BNC2: variants seen among roughly 807,000 people sequenced by gnomAD.
BNC2 encodes zinc finger protein basonuclin-2.
Under a neutral mutation model 76.3 loss-of-function variants are expected in BNC2, and 20 were observed. The observed-to-expected ratio is 0.26, with a 90% CI of 0.18 to 0.38. BNC2 has a LOEUF of 0.38. Ranked by LOEUF, BNC2 falls within the 10% of genes least tolerant of loss-of-function variation. The pLI is 1.00. For missense variants in BNC2, 1,382 were observed against 1,399.8 expected (o/e 0.99, Z 0.20); for synonymous variants, 582 against 514.8 (o/e 1.13, Z -1.77).
intron 1 of BNC2, among the ~76,000 whole-genome samples, chr9:16,863,000 C>T (rs903854788): frequency 1.1e-4 from 17 of 151,680 alleles, no homozygotes; most frequent in African/African-American, 3.9e-4. Flanking sequence ...CTGCAACCTC[C>T]GCCTCCCAGG....
intron 6 of BNC2, among the ~76,000 whole-genome samples, chr9:16,421,700 T>C (rs1442855948): frequency 6.6e-6 from 1 of 152,120 alleles, no homozygotes; most frequent in African/African-American, 2.4e-5. Context: ...CAAGTGCAGG[T>C]TGCTAAGCAA....
chr9:16,598,867 C>T lies in BNC2; in HGVS notation c.331-15782G>A, dbSNP rs111356696. On this transcript the variant is annotated intron_variant, in intron 3 of 6. Coordinates refer to ENST00000380672, the MANE Select transcript of BNC2 (RefSeq NM_017637.6). ...CCTGGAAATTAAATGAGATGCTTTG[C>T]ATTTTTGAAAAAGCCAAACATCAAA... Among the ~76,000 whole-genome samples, 909 of 152,262 alleles carry T rather than the reference C, an allele frequency of 6.0e-3. 6 individuals are homozygous for T. Among genetic ancestry groups the T allele is most frequent in the African/African-American group, 0.021 (855 of 41,548 alleles).
intron 5 of BNC2, among the ~76,000 whole-genome samples, chr9:16,478,626 A>G (rs1821978172): frequency 6.6e-6 from 1 of 152,230 alleles, no homozygotes; most frequent in Non-Finnish European, 1.5e-5. Flanking sequence ...CAGCTTAAAA[A>G]CATCTTTTAC....
chr9:16,772,894 G>C (rs977637219), intron 1 of BNC2, among the ~76,000 whole-genome samples: 1 of 152,136 alleles, frequency 6.6e-6, no homozygotes, highest in Non-Finnish European at 1.5e-5. Context: ...GGGAAATCTT[G>C]TACTAGCAGC....
At chr9:16,640,705 T>C (rs1454734402) in intron 3 of BNC2, among the ~76,000 whole-genome samples, 1 of 152,164 alleles carries the variant, frequency 6.6e-6, no homozygotes, top group Non-Finnish European at 1.5e-5. Flanking sequence ...GATAACCCTA[T>C]ACACCCTTCA....
intron 3 of BNC2, among the ~76,000 whole-genome samples, chr9:16,664,544 A>T (rs529758006): frequency 6.6e-6 from 1 of 152,300 alleles, no homozygotes; most frequent in East Asian, 1.9e-4. Flanking sequence ...TGTAGGAAGC[A>T]ACTACAACTT....
intron 5 of BNC2, among the ~76,000 whole-genome samples, chr9:16,525,082 G>A (rs1486342351): frequency 7.0e-6 from 1 of 143,198 alleles, no homozygotes; most frequent in Non-Finnish European, 1.5e-5. Context: ...GGGGAGGGGG[G>A]GGGAAGGAGA....
At chr9:16,845,592 G>A (rs1818955927) in intron 1 of BNC2, among the ~76,000 whole-genome samples, 1 of 152,016 alleles carries the variant, frequency 6.6e-6, no homozygotes, top group Admixed American at 6.6e-5. Context: ...GTAGCGGCGT[G>A]GGCCTGTAGT....
chr9:16,841,208 C>A (rs1563966206), intron 1 of BNC2, among the ~76,000 whole-genome samples: 1 of 152,162 alleles, frequency 6.6e-6, no homozygotes. Flanking sequence ...TGTGCTGATC[C>A]TTACCCAAAC....
At chr9:16,737,295 G>A (rs998955978) in intron 2 of BNC2, among the ~76,000 whole-genome samples, 3 of 131,008 alleles carry the variant, frequency 2.3e-5, no homozygotes, top group African/African-American at 5.8e-5. Context: ...CTGTTGCCCA[G>A]GCTGGAGTGC....
In BNC2 at chr9:16,634,580, C is replaced by A. The variant is rs1821262290; in HGVS notation, c.331-51495G>T. Reference sequence around the variant, plus strand: ...GCAGTGGCGCAATCTCTGCTCACTGCAAGCTCTGCCTCCCGGATTCACACC... The same window carrying A: ...GCAGTGGCGCAATCTCTGCTCACTGAAAGCTCTGCCTCCCGGATTCACACC... On this transcript the variant is annotated intron_variant, in intron 3 of 6. Coordinates refer to ENST00000380672, the MANE Select transcript of BNC2 (RefSeq NM_017637.6). Among the ~76,000 whole-genome samples the A allele has an allele frequency of 2.0e-5, 3 of 150,108 alleles. 1 individual carries two copies. The South Asian group carries it at 6.3e-4, about 31-fold the overall frequency.
intron 3 of BNC2, among the ~76,000 whole-genome samples, chr9:16,615,011 C>A (rs1355934474): frequency 4.7e-5 from 6 of 126,624 alleles, no homozygotes; most frequent in South Asian, 2.5e-4. Flanking sequence ...AAAAGCCAAG[C>A]AGGCCAGTTA....
intron 3 of BNC2, among the ~76,000 whole-genome samples, chr9:16,678,416 C>CG (rs902289828): frequency 6.6e-6 from 1 of 151,002 alleles, no homozygotes; most frequent in African/African-American, 2.4e-5. Flanking sequence ...TACAGGCACA[C>CG]GCCACCATGC....
At chr9:16,657,892 C>T (rs1222305863) in intron 3 of BNC2, among the ~76,000 whole-genome samples, 1 of 151,966 alleles carries the variant, frequency 6.6e-6, no homozygotes, top group African/African-American at 2.4e-5. Flanking sequence ...TTAGGGCAGG[C>T]CAGTTAGGGT....
At chr9:16,668,185 A>C (rs897737067) in intron 3 of BNC2, among the ~76,000 whole-genome samples, 2 of 152,156 alleles carry the variant, frequency 1.3e-5, no homozygotes, top group Non-Finnish European at 2.9e-5. Flanking sequence ...GGGAGACCTC[A>C]CTGTGTTGCC....
At chr9:16,425,394 C>G (rs569827681) in intron 6 of BNC2, among the ~76,000 whole-genome samples, 2 of 152,252 alleles carry the variant, frequency 1.3e-5, no homozygotes, top group East Asian at 3.9e-4. Context: ...CACGACTCCC[C>G]TCTCTCAGAG....
At chr9:16,501,847 G>A (rs939477876) in intron 5 of BNC2, among the ~76,000 whole-genome samples, 2 of 152,276 alleles carry the variant, frequency 1.3e-5, no homozygotes, top group Admixed American at 1.3e-4. Flanking sequence ...GGTAAGGTAG[G>A]TAAGACACCC....
intron 5 of BNC2, among the ~76,000 whole-genome samples, chr9:16,446,757 A>G (rs1173892968): frequency 1.3e-5 from 2 of 150,432 alleles, no homozygotes; most frequent in African/African-American, 4.9e-5. Context: ...CAGTCTATAC[A>G]GCGTTTTTAT....
chr9:16,460,328 C>A (rs60821425), intron 5 of BNC2, among the ~76,000 whole-genome samples: 4,692 of 150,802 alleles, frequency 0.031, 238 homozygotes, highest in African/African-American at 0.11. Context: ...AAAAAAAAGT[C>A]AAAACAAAAT....
Sources: allele counts gnomAD v4.1 joint callset (sites outside exome capture counted in the v4.1 genomes callset), GRCh38; gene constraint gnomAD v4.1.1; transcripts MANE v1.5; gene names NCBI Gene and HGNC (gene_info 2026-07-23, HGNC 2026-07-21).